Variants in GOSR2 observed in about 807,000 individuals in gnomAD.
GOSR2 encodes the protein golgi SNAP receptor complex member 2.
A neutral mutation model predicts 27.9 loss-of-function variants in GOSR2; 20 were observed. The ratio of observed to expected loss-of-function variants is 0.72; its 90% confidence interval spans 0.50 to 1.04. The LOEUF (loss-of-function observed/expected upper bound fraction) is 1.04, where lower values mean the gene tolerates loss of function less well. GOSR2 is among the 50% of genes least tolerant of loss of function. GOSR2 has a pLI of 0.00. For missense variants in GOSR2, 261 were observed against 270.5 expected (o/e 0.97, Z 0.25); for synonymous variants, 91 against 98.8 (o/e 0.92, Z 0.47).
chr17:46,946,127 G>A (rs2089842949), downstream of GOSR2, among the ~76,000 whole-genome samples: 1 of 151,944 alleles, frequency 6.6e-6, no homozygotes, highest in Non-Finnish European at 1.5e-5. Context: ...CTCACTTGGA[G>A]GAAACCACAT....
intron 6 of GOSR2, chr17:46,964,766 A>C (rs895491081): frequency 6.6e-6 from 1 of 152,234 alleles, no homozygotes; most frequent in African/African-American, 2.4e-5. Context: ...TCCATGACTT[A>C]TTAGTGGCAC....
At chr17:46,936,255 C>G (rs1000959441) in intron 5 of GOSR2, 2 of 985,252 alleles carry the variant, frequency 2.0e-6, no homozygotes, top group Admixed American at 6.1e-5. Context: ...CTTTTCATAT[C>G]TCAGAAAAAC....
At chr17:46,969,046 T>G (rs969600382), downstream of GOSR2, 1 of 152,684 alleles carries the variant, frequency 6.5e-6, no homozygotes, top group Non-Finnish European at 1.5e-5. Context: ...CGTACTGAGC[T>G]TCTCATGCTG....
chr17:46,944,363 CCT>C (rs1310539980), downstream of GOSR2, among the ~76,000 whole-genome samples: 1 of 152,216 alleles, frequency 6.6e-6, no homozygotes, highest in African/African-American at 2.4e-5. Flanking sequence ...GGGCCACACA[CCT>C]CTCAGCCTCA....
intron 6 of GOSR2, among the ~76,000 whole-genome samples, chr17:46,951,868 G>A (rs184096941): frequency 6.6e-6 from 1 of 152,094 alleles, no homozygotes; most frequent in East Asian, 1.9e-4. Flanking sequence ...CTTTTCCCTC[G>A]GGGTGTTTGC....
Position 46,965,666 on chromosome 17 carries a change from A to G in GOSR2, c.584-868A>G, listed in dbSNP as rs79652719. Among the ~76,000 whole-genome samples the G allele has an allele frequency of 1.4e-3, 217 of 152,080 alleles. 2 individuals are homozygous for G. In the East Asian group the frequency reaches 0.033, roughly 23 times the overall value. On this transcript the variant is annotated intron_variant, in intron 6 of 6. Coordinates refer to the GOSR2 transcript ENST00000573224. ...TGAGACACAGTTCACTTTGTCACCT[A>G]GGCTGGAGTGCACTGGTGTGATCAC...
At position 46,940,369 on chromosome 17, in the gene GOSR2, A is replaced by G. The variant is rs1157031515; in HGVS notation, c.*1609A>G. The G allele has an allele frequency of 1.3e-6, 2 of 1,508,022 alleles. No homozygotes were observed. Among genetic ancestry groups the G allele is most frequent in the African/African-American group, 2.7e-5 (2 of 72,820 alleles). The allele number at this position is 1,508,022 out of a possible 1,614,324, so 93.4% of individuals were successfully genotyped here. ...GTTGGGGCCCTGCCAGAGTTAAAGC[A>G]GTGACTGGAGGGTGGACTGGGGGGT... On this transcript the variant is annotated 3_prime_UTR_variant, in exon 6 of 6. Transcript: ENST00000640051.
intron 6 of GOSR2, among the ~76,000 whole-genome samples, chr17:46,959,879 G>C (rs868615681): frequency 7.6e-4 from 115 of 152,312 alleles, no homozygotes; most frequent in African/African-American, 2.5e-3. Context: ...GACTGAGCAG[G>C]AAGACCGATT....
rs2089339142 is a variant in GOSR2, at chr17:46,941,963, T to C, written c.*3203T>C. 1.0e-6 allele frequency: 1 copy of C among 985,072 alleles called. No individual in the cohort carries two copies. Among genetic ancestry groups the C allele is most frequent in the African/African-American group, 1.7e-5 (1 of 57,212 alleles). 61.0% of individuals were successfully genotyped at this position (985,072 alleles called of 1,614,324 possible). On this transcript the variant is annotated 3_prime_UTR_variant, in exon 6 of 6. Transcript: ENST00000640051. ...AGCTTCTGTCTCAAAGATGATCACATTGGTGTAAAGAGCAAAACTTGTTAA... is the reference window on the plus strand; with the variant it reads ...AGCTTCTGTCTCAAAGATGATCACACTGGTGTAAAGAGCAAAACTTGTTAA...
Position 46,940,682 on chromosome 17 carries a change from T to A in GOSR2, c.*1922T>A. ...ATCATGCGTGGACTGATAGGACATC[T>A]TTTCGTGGTGTGCACCAGTGCTTTC... On this transcript the variant is annotated 3_prime_UTR_variant, in exon 6 of 6. Transcript: ENST00000640051. 6.2e-7 allele frequency: 1 copy of A among 1,611,670 alleles called. No individual in the cohort carries two copies. Among genetic ancestry groups the A allele is most frequent in the South Asian group, 1.1e-5 (1 of 91,012 alleles).
rs541832563 is a variant in GOSR2 at position 46,966,782 on chromosome 17, A to T, written c.*58A>T. On this transcript the variant is annotated 3_prime_UTR_variant, in exon 7 of 7. Coordinates refer to the GOSR2 transcript ENST00000573224. ...GAGATGACAATAGCACCTGCCTTGC[A>T]AGAATTATTTGATGTGGCCGATGAG... The T allele has an allele frequency of 8.8e-5, 38 of 429,440 alleles. No homozygotes were observed. In the South Asian group the frequency reaches 2.6e-3, roughly 29 times the overall value. 26.6% of individuals were successfully genotyped at this position (429,440 alleles called of 1,614,324 possible).
At chr17:46,975,069 C>T (rs1220619288) in intron 6 of GOSR2, 3 of 141,166 alleles carry the variant, frequency 2.1e-5, no homozygotes, top group Non-Finnish European at 4.5e-5. Flanking sequence ...AGAGTTCATA[C>T]GATAAACAAA....
At chr17:46,923,519 T>C in intron 1 of GOSR2, 2 of 1,370,098 alleles carry the variant, frequency 1.5e-6, no homozygotes, top group Non-Finnish European at 1.9e-6. Flanking sequence ...GTTATAAAAC[T>C]TTGTCCAGCA....
At chr17:46,943,560 G>A (rs533348179), downstream of GOSR2, among the ~76,000 whole-genome samples, 2 of 152,348 alleles carry the variant, frequency 1.3e-5, no homozygotes, top group East Asian at 3.9e-4. Context: ...CACGCTTCCT[G>A]CGGAATGGGA....
downstream of GOSR2, among the ~76,000 whole-genome samples, chr17:46,942,968 C>T (rs1424384319): frequency 6.6e-6 from 1 of 152,190 alleles, no homozygotes; most frequent in East Asian, 1.9e-4. Context: ...GGTTCCCAAC[C>T]TTGGCTCTGC....
intron 3 of GOSR2, 157 bp from the exon 4 acceptor site, chr17:46,931,910 C>T: frequency 7.0e-6 from 5 of 713,048 alleles, no homozygotes; most frequent in South Asian, 4.7e-5. Context: ...CTTTCAACAT[C>T]GTTGATCAAA....
At chr17:46,942,780 G>A (rs2089445905), downstream of GOSR2, among the ~76,000 whole-genome samples, 1 of 152,236 alleles carries the variant, frequency 6.6e-6, no homozygotes, top group Non-Finnish European at 1.5e-5. Flanking sequence ...CTTAGAAGCT[G>A]AGAAAGGAAA....
intron 6 of GOSR2, among the ~76,000 whole-genome samples, chr17:46,962,328 C>CAAAAAA (rs3048523): frequency 2.9e-5 from 4 of 139,352 alleles, no homozygotes; most frequent in Non-Finnish European, 6.2e-5. Flanking sequence ...GACTCCATCT[C>CAAAAAA]AAAAAAAAAA....
At chr17:46,971,305 C>G (rs776496618), downstream of GOSR2, among the ~76,000 whole-genome samples, 2 of 152,026 alleles carry the variant, frequency 1.3e-5, no homozygotes, top group Admixed American at 6.6e-5. Context: ...CTACTGCACT[C>G]CAGCCTGGGC....
Sources: gnomAD v4.1 joint callset for allele counts (sites outside exome capture counted in the v4.1 genomes callset) on GRCh38, gnomAD v4.1.1 for gene constraint, MANE v1.5 for transcripts, NCBI Gene and HGNC (gene_info 2026-07-23, HGNC 2026-07-21) for gene names.